Variants in KCNH1 observed in about 807,000 individuals in gnomAD.
KCNH1 encodes the protein voltage-gated delayed rectifier potassium channel KCNH1.
Under a neutral mutation model 69.2 loss-of-function variants are expected in KCNH1, and 27 were observed. That is an observed-to-expected ratio of 0.39 (90% CI 0.29 to 0.54). The LOEUF is 0.54. Among genes scored for constraint, KCNH1 ranks in the 20% least tolerant of loss-of-function variants. The pLI is 0.68. For synonymous variants in KCNH1, 456 were observed against 487.7 expected, an observed-to-expected ratio of 0.93 and a Z score of 0.86; for missense variants, 798 against 1,261.6, an observed-to-expected ratio of 0.63 and a Z score of 5.57.
intron 7 of KCNH1, among the ~76,000 whole-genome samples, chr1:210,821,029 A>C (rs1684917897): frequency 6.6e-6 from 1 of 152,222 alleles, no homozygotes; most frequent in Non-Finnish European, 1.5e-5. Flanking sequence ...TAGGAAACCA[A>C]TGCAGAGCAC....
chr1:210,957,034 T>G (rs1688191254), intron 6 of KCNH1, among the ~76,000 whole-genome samples: 1 of 152,226 alleles, frequency 6.6e-6, no homozygotes, highest in African/African-American at 2.4e-5. Context: ...ATTTTCTGCT[T>G]GCTCTTGTGG....
intron 10 of KCNH1, among the ~76,000 whole-genome samples, chr1:210,757,489 A>C (rs971620450): frequency 2.0e-5 from 3 of 152,170 alleles, no homozygotes; most frequent in Non-Finnish European, 4.4e-5. Context: ...CTCTTCCTTT[A>C]AGGCTTCTTC....
chr1:210,857,308 G>GCCTTC (rs1330499563), intron 7 of KCNH1, among the ~76,000 whole-genome samples: 2 of 152,162 alleles, frequency 1.3e-5, no homozygotes, highest in Admixed American at 6.5e-5. Context: ...GGAGCCTGAG[G>GCCTTC]CCTTACAGGC....
intron 6 of KCNH1, among the ~76,000 whole-genome samples, chr1:210,967,028 T>C (rs897916964): frequency 6.6e-6 from 1 of 151,926 alleles, no homozygotes; most frequent in Non-Finnish European, 1.5e-5. Context: ...TGGAATATTA[T>C]GCAGCCATAA....
intron 1 of KCNH1, among the ~76,000 whole-genome samples, chr1:211,117,603 G>T (rs1282342611): frequency 6.6e-6 from 1 of 152,138 alleles, no homozygotes; most frequent in African/African-American, 2.4e-5. Flanking sequence ...ACCAATAGAA[G>T]AATGAGGGGT....
chr1:210,996,802 C>A (rs1218701237), intron 6 of KCNH1, among the ~76,000 whole-genome samples: 1 of 152,210 alleles, frequency 6.6e-6, no homozygotes, highest in Non-Finnish European at 1.5e-5. Context: ...GAGGAACGAT[C>A]AGGCAGCAGC....
intron 6 of KCNH1, among the ~76,000 whole-genome samples, chr1:211,005,889 A>G (rs760052641): frequency 6.6e-5 from 10 of 152,152 alleles, no homozygotes; most frequent in Non-Finnish European, 1.2e-4. Context: ...CTACAAATCA[A>G]TTTTTTAATA....
At chr1:210,878,914 C>T (rs1050293227) in intron 7 of KCNH1, among the ~76,000 whole-genome samples, 1 of 151,794 alleles carries the variant, frequency 6.6e-6, no homozygotes. Flanking sequence ...AGAGAGAGGA[C>T]ATAAATTACT....
chr1:211,026,862 G>A (rs57004496), intron 5 of KCNH1, among the ~76,000 whole-genome samples: 2,295 of 152,222 alleles, frequency 0.015, 40 homozygotes, highest in African/African-American at 0.051. Context: ...TCTCTACCTG[G>A]CAGTAACAAG....
chr1:211,089,608 C>G (rs554069543), intron 4 of KCNH1, among the ~76,000 whole-genome samples: 1 of 152,162 alleles, frequency 6.6e-6, no homozygotes, highest in Non-Finnish European at 1.5e-5. Flanking sequence ...CATTTAACAA[C>G]AAAAATTTTG....
chr1:211,120,207 G>A (rs1399970590), intron 1 of KCNH1, among the ~76,000 whole-genome samples: 4 of 89,228 alleles, frequency 4.5e-5, no homozygotes, highest in African/African-American at 1.3e-4. Flanking sequence ...TTTTTTTTTT[G>A]AGACAGGGTT....
chr1:211,044,372 A>T (rs912472969), intron 5 of KCNH1, among the ~76,000 whole-genome samples: 4 of 152,174 alleles, frequency 2.6e-5, no homozygotes, highest in Non-Finnish European at 5.9e-5. Context: ...ATGACCAAGA[A>T]CCAAAAAGCA....
chr1:210,762,917 C>T (rs1173605395), intron 10 of KCNH1, among the ~76,000 whole-genome samples: 1 of 151,676 alleles, frequency 6.6e-6, no homozygotes, highest in African/African-American at 2.4e-5. Flanking sequence ...AAAGACACAA[C>T]AAAAAAAGAA....
intron 7 of KCNH1, among the ~76,000 whole-genome samples, chr1:210,812,592 C>A (rs909834951): frequency 1.3e-5 from 2 of 152,158 alleles, no homozygotes; most frequent in African/African-American, 4.8e-5. Flanking sequence ...TCTTAATTCC[C>A]CATTAGTCAT....
chr1:210,999,378 A>G (rs1689123007), intron 6 of KCNH1, among the ~76,000 whole-genome samples: 1 of 152,238 alleles, frequency 6.6e-6, no homozygotes, highest in Non-Finnish European at 1.5e-5. Flanking sequence ...AGAGAATACT[A>G]TAAACACCTC....
At chr1:210,991,101 G>A (rs1331550724) in intron 6 of KCNH1, among the ~76,000 whole-genome samples, 2 of 152,100 alleles carry the variant, frequency 1.3e-5, no homozygotes, top group African/African-American at 2.4e-5. Context: ...CCACTTCTGG[G>A]TATATATCTA....
At chr1:210,812,009 A>G (rs1257008566) in intron 7 of KCNH1, among the ~76,000 whole-genome samples, 1 of 152,192 alleles carries the variant, frequency 6.6e-6, no homozygotes, top group Admixed American at 6.5e-5. Flanking sequence ...AGTGGGCCCT[A>G]GAGAACATAT....
intron 10 of KCNH1, among the ~76,000 whole-genome samples, chr1:210,765,412 C>T (rs895834683): frequency 1.3e-5 from 2 of 152,146 alleles, no homozygotes; most frequent in African/African-American, 4.8e-5. Context: ...ATAAAACAAA[C>T]AACCACAAAA....
intron 6 of KCNH1, among the ~76,000 whole-genome samples, chr1:210,931,414 G>A (rs1406929982): frequency 6.6e-6 from 1 of 152,146 alleles, no homozygotes; most frequent in Non-Finnish European, 1.5e-5. Flanking sequence ...AGTTACTCAA[G>A]AATGGACAAA....
Sources: gnomAD v4.1 joint callset for allele counts (sites outside exome capture counted in the v4.1 genomes callset) on GRCh38, gnomAD v4.1.1 for gene constraint, MANE v1.5 for transcripts, NCBI Gene and HGNC (gene_info 2026-07-23, HGNC 2026-07-21) for gene names.